Variants in LRRC4C observed in about 807,000 individuals in gnomAD.
LRRC4C encodes leucine-rich repeat-containing protein 4C.
In LRRC4C, 5 loss-of-function variants were observed where a neutral mutation model predicts 33.6. The ratio of observed to expected loss-of-function variants is 0.15; its 90% CI spans 0.08 to 0.31. The LOEUF (loss-of-function observed/expected upper bound fraction) is 0.31, where lower values mean the gene tolerates loss of function less well. Among genes scored for constraint, LRRC4C ranks in the 10% least tolerant of loss-of-function variants. The pLI is 1.00. For synonymous variants in LRRC4C, 329 were observed against 302.0 expected, an observed-to-expected ratio of 1.09 and a Z score of -0.93; for missense variants, 560 against 796.7, an observed-to-expected ratio of 0.70 and a Z score of 3.58.
At chr11:41,373,960 T>G (rs1952848202) in intron 1 of LRRC4C, among the ~76,000 whole-genome samples, 1 of 152,226 alleles carries the variant, frequency 6.6e-6, no homozygotes, top group Non-Finnish European at 1.5e-5. Context: ...GTAGCTATAT[T>G]AATATCTTGC....
intron 1 of LRRC4C, among the ~76,000 whole-genome samples, chr11:41,221,166 G>C (rs1161592378): frequency 6.6e-6 from 1 of 151,870 alleles, no homozygotes; most frequent in Non-Finnish European, 1.5e-5. Flanking sequence ...AAAGGACCCA[G>C]TGTGTGTTGT....
intron 4 of LRRC4C, among the ~76,000 whole-genome samples, chr11:40,318,825 G>C (rs901716569): frequency 6.6e-6 from 1 of 152,164 alleles, no homozygotes; most frequent in African/African-American, 2.4e-5. Context: ...ATAAATGGTA[G>C]TAGTCTACTA....
chr11:41,058,923 A>G (rs1287321395), intron 1 of LRRC4C, among the ~76,000 whole-genome samples: 1 of 152,162 alleles, frequency 6.6e-6, no homozygotes, highest in African/African-American at 2.4e-5. Context: ...ATGAAGCTGA[A>G]GGCCATTATT....
intron 1 of LRRC4C, among the ~76,000 whole-genome samples, chr11:41,006,554 C>A (rs920768606): frequency 4.6e-5 from 7 of 152,100 alleles, no homozygotes; most frequent in East Asian, 1.9e-4. Context: ...GATGACTAGG[C>A]CTTCATTTTC....
intron 1 of LRRC4C, among the ~76,000 whole-genome samples, chr11:41,139,115 C>T (rs1943393871): frequency 6.6e-6 from 1 of 151,976 alleles, no homozygotes; most frequent in African/African-American, 2.4e-5. Context: ...ATATAAAGTG[C>T]TTCTTTCTTA....
chr11:40,592,206 A>G (rs753915264), intron 3 of LRRC4C, among the ~76,000 whole-genome samples: 15 of 152,222 alleles, frequency 9.9e-5, no homozygotes, highest in Non-Finnish European at 2.1e-4. Context: ...AACAGGTGCT[A>G]TAAAGTACAG....
chr11:41,107,924 G>C lies in LRRC4C; in HGVS notation c.-495-174201C>G, dbSNP rs543202465. Among the ~76,000 whole-genome samples, 20 of 151,160 alleles carry C rather than the reference G, an allele frequency of 1.3e-4. 1 individual carries two copies. The highest frequency in any genetic ancestry group is 2.7e-4 in the Non-Finnish European group (18 of 67,846). ...TGCACTCCAGCCTGGGTGATAGAGC[G>C]AGAGTCCATCTCAAAGAAAAGAAAA... On this transcript the variant is annotated intron_variant, in intron 1 of 6. Transcript: ENST00000528697.
rs1362419931 is a variant in LRRC4C at position 40,498,545 on chromosome 11, C to T, written c.-270+149597G>A. Among the ~76,000 whole-genome samples, 4 of 152,238 alleles carry T rather than the reference C, an allele frequency of 2.6e-5. No individual in the cohort carries two copies. The South Asian group carries it at 6.2e-4, about 24-fold the overall frequency. ...TTTTAGCATTAGCAAACCTTGATTA[C>T]AATCCTATGCATCTTAGGTCGATAG... On this transcript the variant is annotated intron_variant, in intron 3 of 6. Coordinates refer to ENST00000528697, the MANE Select transcript of LRRC4C (RefSeq NM_001258419.2).
intron 2 of LRRC4C, among the ~76,000 whole-genome samples, chr11:40,666,112 C>T (rs143446194): frequency 1.3e-4 from 19 of 151,970 alleles, no homozygotes; most frequent in East Asian, 9.7e-4. Flanking sequence ...AAATGTTCTA[C>T]GGTACAGTTA....
chr11:40,658,691 G>C (rs1370583786), intron 2 of LRRC4C, among the ~76,000 whole-genome samples: 1 of 152,178 alleles, frequency 6.6e-6, no homozygotes, highest in Non-Finnish European at 1.5e-5. Flanking sequence ...CCTTAAACTG[G>C]TTGGTATCAG....
intron 3 of LRRC4C, among the ~76,000 whole-genome samples, chr11:40,438,230 G>A (rs1302943009): frequency 4.6e-5 from 7 of 152,122 alleles, no homozygotes; most frequent in Non-Finnish European, 1.0e-4. Flanking sequence ...TCCCCTAGTT[G>A]TCCCTGTAGC....
chr11:41,015,786 T>G (rs1481041611), intron 1 of LRRC4C, among the ~76,000 whole-genome samples: 1 of 152,162 alleles, frequency 6.6e-6, no homozygotes, highest in South Asian at 2.1e-4. Flanking sequence ...GCTCAGAAAC[T>G]TTCTTGTTTG....
At chr11:40,920,801 C>A (rs903989084) in intron 2 of LRRC4C, among the ~76,000 whole-genome samples, 2 of 152,054 alleles carry the variant, frequency 1.3e-5, no homozygotes, top group African/African-American at 4.8e-5. Flanking sequence ...TACCTTGAAT[C>A]GTTACATTCT....
intron 2 of LRRC4C, among the ~76,000 whole-genome samples, chr11:40,905,090 G>GTATATATAGA (rs1354689321): frequency 6.6e-6 from 1 of 152,084 alleles, no homozygotes; most frequent in East Asian, 1.9e-4. Flanking sequence ...GTACAGGAGT[G>GTATATATAGA]TATATATAGA....
At chr11:40,908,950 C>T (rs1196886991) in intron 2 of LRRC4C, among the ~76,000 whole-genome samples, 1 of 152,032 alleles carries the variant, frequency 6.6e-6, no homozygotes, top group Non-Finnish European at 1.5e-5. Flanking sequence ...AGGGAGTATA[C>T]AACTAGGAGG....
intron 2 of LRRC4C, among the ~76,000 whole-genome samples, chr11:40,730,393 T>C (rs1307279925): frequency 6.6e-6 from 1 of 152,176 alleles, no homozygotes; most frequent in Non-Finnish European, 1.5e-5. Context: ...TGCATGCAAA[T>C]GGATCTTAAT....
intron 3 of LRRC4C, among the ~76,000 whole-genome samples, chr11:40,534,786 C>T (rs145635456): frequency 6.6e-6 from 1 of 152,062 alleles, no homozygotes; most frequent in East Asian, 1.9e-4. Flanking sequence ...GGCAAATTGT[C>T]CATTACTATT....
chr11:40,615,265 T>TATATATATAC (rs1490740198), intron 3 of LRRC4C, among the ~76,000 whole-genome samples: 60 of 53,434 alleles, frequency 1.1e-3, no homozygotes, highest in African/African-American at 2.0e-3. Context: ...TATATATATA[T>TATATATATAC]ACACACACAC....
chr11:41,032,372 A>C (rs186005820), intron 1 of LRRC4C, among the ~76,000 whole-genome samples: 59 of 152,178 alleles, frequency 3.9e-4, no homozygotes, highest in African/African-American at 1.4e-3. Flanking sequence ...GTAATTCCAA[A>C]ACATCCTTGA....
Sources: allele counts gnomAD v4.1 joint callset (sites outside exome capture counted in the v4.1 genomes callset), GRCh38; gene constraint gnomAD v4.1.1; transcripts MANE v1.5; gene names NCBI Gene and HGNC (gene_info 2026-07-23, HGNC 2026-07-21).